ZCCHC14: variants seen among roughly 807,000 people sequenced by gnomAD.
ZCCHC14 encodes the protein zinc finger CCHC domain-containing protein 14.
Under a neutral mutation model 85.0 loss-of-function variants are expected in ZCCHC14, and 16 were observed. That is an observed-to-expected ratio of 0.19 (90% CI 0.13 to 0.29). The LOEUF is 0.29. ZCCHC14 is among the 10% of genes least tolerant of loss of function. The pLI, the probability that ZCCHC14 is intolerant of heterozygous loss-of-function variation, is 1.00. For missense variants in ZCCHC14, 1,303 were observed against 1,443.5 expected (o/e 0.90, Z 1.58); for synonymous variants, 775 against 630.7 (o/e 1.23, Z -3.43).
At chr16:87,418,012 G>A (rs1378555612) in intron 7 of ZCCHC14, 6 of 469,130 alleles carry the variant, frequency 1.3e-5, no homozygotes, top group East Asian at 6.2e-5. Flanking sequence ...GCCTCTGCCC[G>A]TGCTTCGGAG....
intron 1 of ZCCHC14, among the ~76,000 whole-genome samples, chr16:87,477,041 C>T (rs1174935352): frequency 7.0e-6 from 1 of 141,920 alleles, no homozygotes; most frequent in Non-Finnish European, 1.5e-5. Context: ...GGGAGAATTG[C>T]TTGAACCCAG....
chr16:87,441,923 C>A (rs117004415), intron 2 of ZCCHC14, among the ~76,000 whole-genome samples: 195 of 152,310 alleles, frequency 1.3e-3, no homozygotes, highest in Non-Finnish European at 2.3e-3. Context: ...GGCTGCGATT[C>A]CAGGTGGGGT....
chr16:87,490,207 G>A (rs1165404707), intron 1 of ZCCHC14, among the ~76,000 whole-genome samples: 1 of 152,066 alleles, frequency 6.6e-6, no homozygotes, highest in Admixed American at 6.5e-5. Context: ...CATTAAAAAA[G>A]AAAAGCCACA....
chr16:87,418,175 TGAC>T (rs1209652782), intron 7 of ZCCHC14, among the ~76,000 whole-genome samples: 3 of 152,268 alleles, frequency 2.0e-5, no homozygotes, highest in African/African-American at 7.2e-5. Flanking sequence ...AGTCACAGAA[TGAC>T]ACTGATAAAT....
Position 87,412,750 on chromosome 16 carries a change from G to T in ZCCHC14, c.1971C>A (p.Ser657Arg). Reference sequence around the variant, plus strand: ...AAGACGAGAGGAGCTTCATGTCCGCGCTCCCTCTTTCCGGCTTGTGCACGG... The same window carrying T: ...AAGACGAGAGGAGCTTCATGTCCGCTCTCCCTCTTTCCGGCTTGTGCACGG... ...LNSVHKPERG[S>R]ADMKLLSSSV... The change falls in exon 12 of 13, where the codon AGC (serine) becomes AGA (arginine). Residue 657 changes from serine to arginine, a missense_variant. Ser to Arg is a moderately radical substitution (Grantham distance 110). Around this residue, in one of 7 missense-constraint regions of ZCCHC14, gnomAD observed 797 missense variants for 730.8 expected, o/e 1.09. Coordinates refer to ENST00000671377, the MANE Select transcript of ZCCHC14 (RefSeq NM_015144.3). 2 of 1,614,174 alleles carry T rather than the reference G, an allele frequency of 1.2e-6. No individual in the cohort carries two copies. The highest frequency in any genetic ancestry group is 1.1e-5 in the South Asian group (1 of 91,082).
chr16:87,454,742 CCTTT>C (rs1738714829), intron 2 of ZCCHC14, among the ~76,000 whole-genome samples: 1 of 152,166 alleles, frequency 6.6e-6, no homozygotes. Context: ...TTTTCCTTTT[CCTTT>C]CTTAGAATAG....
Position 87,492,722 on chromosome 16 carries a change from G to T in ZCCHC14, c.-484C>A, listed in dbSNP as rs930957664. 1 of 145,356 alleles carries T rather than the reference G, an allele frequency of 6.9e-6. No homozygotes were observed. The highest frequency in any genetic ancestry group is 6.8e-5 in the Admixed American group (1 of 14,636). The allele number at this position is 145,356 out of a possible 1,614,324, so 9.0% of individuals were successfully genotyped here. A position where few individuals can be genotyped will look rare whatever the true frequency, so the allele number is the denominator to read the frequency against. On this transcript the variant is annotated 5_prime_UTR_variant, in exon 1 of 13. Coordinates refer to ENST00000671377, the MANE Select transcript of ZCCHC14 (RefSeq NM_015144.3). The surrounding 1 kb of genome is among the most constrained non-coding windows in gnomAD (Gnocchi z 6.7). ...CGGCCATGCCGTCGCCGCCGCCCGC[G>T]CCTCCGCCCAGGCCGGCCGTTACCC...
At chr16:87,419,257 T>C (rs2150727506) in intron 6 of ZCCHC14, among the ~76,000 whole-genome samples, 1 of 151,322 alleles carries the variant, frequency 6.6e-6, no homozygotes, top group Non-Finnish European at 1.5e-5. Flanking sequence ...GCCTACTGAG[T>C]AGCTGGGATT....
chr16:87,431,660 G>T (rs1015163216), intron 3 of ZCCHC14, among the ~76,000 whole-genome samples: 12 of 152,140 alleles, frequency 7.9e-5, no homozygotes, highest in African/African-American at 2.9e-4. Context: ...GACCATATGC[G>T]AAGACAGCTC....
chr16:87,451,497 C>A (rs972821337), intron 2 of ZCCHC14, among the ~76,000 whole-genome samples: 2 of 152,350 alleles, frequency 1.3e-5, no homozygotes, highest in Non-Finnish European at 2.9e-5. Context: ...CATGCCCAGA[C>A]AAATTTCCAT....
At chr16:87,465,211 G>A (rs925986525) in intron 1 of ZCCHC14, among the ~76,000 whole-genome samples, 4 of 152,228 alleles carry the variant, frequency 2.6e-5, no homozygotes, top group Non-Finnish European at 4.4e-5. Context: ...GCTCAGCAAG[G>A]CAGCTGTGTT....
intron 1 of ZCCHC14, among the ~76,000 whole-genome samples, chr16:87,478,971 T>C (rs1246828045): frequency 6.6e-6 from 1 of 152,224 alleles, no homozygotes; most frequent in African/African-American, 2.4e-5. Context: ...TTTATTAAAA[T>C]GCCCAAAACA....
chr16:87,411,229 C>T (rs1288857042), intron 12 of ZCCHC14, among the ~76,000 whole-genome samples: 1 of 152,174 alleles, frequency 6.6e-6, no homozygotes, highest in African/African-American at 2.4e-5. Flanking sequence ...TCACACGTGC[C>T]TCTCTGGGCT....
At chr16:87,433,020 G>C in intron 3 of ZCCHC14, 108 bp downstream of exon 3, 3 of 1,017,026 alleles carry the variant, frequency 2.9e-6, no homozygotes, top group Non-Finnish European at 4.1e-6. Context: ...GCACTGGCAC[G>C]GGGCTTTGCA....
rs745697961 is a variant in ZCCHC14, at chr16:87,412,489, C to T, written c.2232G>A (p.Lys744=). ...VHASTLDRVL[K]TAQQPALVVE... ...CGACCAGGGCCGGTTGCTGTGCTGT[C>T]TTCAGCACCCTGTCCAGCGTGGATG... The change falls in exon 12 of 13, where the codon AAG becomes AAA. Residue 744 remains lysine (K), a synonymous_variant. Coordinates refer to ENST00000671377, the MANE Select transcript of ZCCHC14 (RefSeq NM_015144.3). The T allele has an allele frequency of 6.8e-6, 11 of 1,613,888 alleles. No homozygotes were observed. The African/African-American group carries it at 1.5e-4, about 22-fold the overall frequency.
At chr16:87,486,575 A>T (rs1405682786) in intron 1 of ZCCHC14, among the ~76,000 whole-genome samples, 1 of 152,226 alleles carries the variant, frequency 6.6e-6, no homozygotes, top group African/African-American at 2.4e-5. Flanking sequence ...TAAGCAGCAC[A>T]TGACTGTATG....
At chr16:87,421,926 A>G (rs1909120199) in intron 4 of ZCCHC14, among the ~76,000 whole-genome samples, 1 of 152,098 alleles carries the variant, frequency 6.6e-6, no homozygotes, top group Admixed American at 6.5e-5. Context: ...TTTGCAAGAC[A>G]TACCAAAAAA....
At chr16:87,484,227 C>T (rs1912413392) in intron 1 of ZCCHC14, among the ~76,000 whole-genome samples, 1 of 152,212 alleles carries the variant, frequency 6.6e-6, no homozygotes, top group African/African-American at 2.4e-5. Flanking sequence ...GAAAGGAGAA[C>T]CTTGCCTGAC....
At chr16:87,467,523 C>T in intron 1 of ZCCHC14, 1 of 1,604,462 alleles carries the variant, frequency 6.2e-7, no homozygotes, top group East Asian at 2.2e-5. Flanking sequence ...CCTTTCTCAA[C>T]AGTAGGATCA....
Sources: gnomAD v4.1 joint callset for allele counts (sites outside exome capture counted in the v4.1 genomes callset) on GRCh38, gnomAD v4.1.1 for gene constraint, gnomAD v4.1.1 regional missense constraint, Gnocchi (gnomAD v3.1) non-coding constraint, MANE v1.5 for transcripts, NCBI Gene and HGNC (gene_info 2026-07-23, HGNC 2026-07-21) for gene names.